The following XPR1 variants were observed in gnomAD, a reference collection of about 807,000 sequenced individuals.
XPR1 encodes the protein solute carrier family 53 member 1.
Under a neutral mutation model 87.5 loss-of-function variants are expected in XPR1, and 28 were observed. The observed-to-expected ratio is 0.32, with a 90% confidence interval of 0.24 to 0.44. The LOEUF (loss-of-function observed/expected upper bound fraction) is 0.44, where lower values mean the gene tolerates loss of function less well. Ranked by LOEUF, XPR1 falls within the 20% of genes least tolerant of loss-of-function variation. XPR1 has a pLI of 1.00. For synonymous variants in XPR1, 300 were observed against 306.1 expected (o/e 0.98, Z 0.21); for missense variants, 559 against 862.3 (o/e 0.65, Z 4.41).
At chr1:180,637,339 C>T (rs951306674) in intron 1 of XPR1, among the ~76,000 whole-genome samples, 1 of 151,984 alleles carries the variant, frequency 6.6e-6, no homozygotes, top group Non-Finnish European at 1.5e-5. Flanking sequence ...AAATCAACCG[C>T]TAGGAAATAG....
At chr1:180,758,710 A>G (rs1488487024) in intron 2 of XPR1, 1 of 152,486 alleles carries the variant, frequency 6.6e-6, no homozygotes. Flanking sequence ...TCCATCTCAA[A>G]GAAAAAAGGT....
rs1467305632 is a variant in XPR1 at position 180,751,234 on chromosome 1, CT to C, written c.122-36517del. On this transcript the variant is annotated intron_variant, in intron 2 of 14. Transcript: ENST00000367590. Reference sequence around the variant, plus strand: ...CAGTTTTCCTTTCCTATCAATATGCCTTATATTTTTTATACTTTTCAACCCA... The same window carrying C: ...CAGTTTTCCTTTCCTATCAATATGCCTATATTTTTTATACTTTTCAACCCA... Among the ~76,000 whole-genome samples, 7 of 151,860 alleles carry C rather than the reference CT, an allele frequency of 4.6e-5. No individual in the cohort carries two copies. In the South Asian group the frequency reaches 1.5e-3, roughly 32 times the overall value.
intron 1 of XPR1, among the ~76,000 whole-genome samples, chr1:180,660,088 C>G (rs549109772): frequency 4.7e-4 from 72 of 152,118 alleles, no homozygotes; most frequent in Non-Finnish European, 8.4e-4. Flanking sequence ...TCATGGTTCA[C>G]TCTTGTTTGG....
intron 2 of XPR1, among the ~76,000 whole-genome samples, chr1:180,778,863 C>T (rs895810376): frequency 6.6e-6 from 1 of 152,138 alleles, no homozygotes; most frequent in African/African-American, 2.4e-5. Flanking sequence ...GAAACTAATT[C>T]TCCTATTTAG....
chr1:180,819,557 T>C (rs1266098838), intron 7 of XPR1, among the ~76,000 whole-genome samples: 1 of 152,226 alleles, frequency 6.6e-6, no homozygotes, highest in Non-Finnish European at 1.5e-5. Flanking sequence ...GGCAATTTTC[T>C]TCCTATGTAG....
chr1:180,649,536 G>A (rs571574499), intron 1 of XPR1, among the ~76,000 whole-genome samples: 2 of 152,300 alleles, frequency 1.3e-5, no homozygotes, highest in African/African-American at 4.8e-5. Flanking sequence ...GCTCTGTGTT[G>A]TGGACAGTCT....
In XPR1 at chr1:180,873,763, T is replaced by C. The variant is rs369897976; in HGVS notation, c.1669-40T>C. 3.1e-6 allele frequency: 5 copies of C among 1,603,410 alleles called. No homozygotes were observed. In the Admixed American group the frequency reaches 6.7e-5, roughly 22 times the overall value. Reference sequence around the variant, plus strand: ...CATTGGTATGCCTATTTATGAGAAATGTGATAGAAAACATACTCAATTTCT... The same window carrying C: ...CATTGGTATGCCTATTTATGAGAAACGTGATAGAAAACATACTCAATTTCT... On this transcript the variant is annotated intron_variant, in intron 12 of 14. Coordinates refer to ENST00000367590, the MANE Select transcript of XPR1 (RefSeq NM_004736.4).
chr1:180,650,811 C>G, intron 1 of XPR1, among the ~76,000 whole-genome samples: 1 of 151,868 alleles, frequency 6.6e-6, no homozygotes, highest in East Asian at 1.9e-4. Flanking sequence ...CTCTCTGAGT[C>G]TTAGTTTTCT....
chr1:180,873,776 A>G (rs774829778), intron 12 of XPR1, 27 bp from the exon 13 acceptor site: 3 of 1,608,914 alleles, frequency 1.9e-6, no homozygotes, highest in Admixed American at 3.4e-5. Context: ...GATAGAAAAC[A>G]TACTCAATTT....
intron 2 of XPR1, among the ~76,000 whole-genome samples, chr1:180,722,204 G>T (rs1223968671): frequency 8.5e-5 from 13 of 152,074 alleles, no homozygotes; most frequent in Admixed American, 8.5e-4. Flanking sequence ...GGAGGTCAAG[G>T]CTGCAGTGAG....
At chr1:180,854,971 A>G (rs916146328) in intron 11 of XPR1, among the ~76,000 whole-genome samples, 1 of 152,200 alleles carries the variant, frequency 6.6e-6, no homozygotes. Context: ...AAGGTAAAGC[A>G]TTGTGCAGAA....
chr1:180,697,281 T>C (rs1435141352), intron 2 of XPR1, among the ~76,000 whole-genome samples: 1 of 152,116 alleles, frequency 6.6e-6, no homozygotes, highest in Non-Finnish European at 1.5e-5. Context: ...TAATAGTGTC[T>C]AATAAGTTTG....
intron 2 of XPR1, among the ~76,000 whole-genome samples, chr1:180,752,041 T>A (rs756942435): frequency 2.0e-5 from 3 of 152,200 alleles, no homozygotes; most frequent in Non-Finnish European, 4.4e-5. Flanking sequence ...TCTATGACAC[T>A]TAGTAGTGGA....
chr1:180,806,033 A>G, intron 4 of XPR1, 29 bp from the exon 5 acceptor site: 2 of 1,605,572 alleles, frequency 1.2e-6, no homozygotes, highest in Non-Finnish European at 1.7e-6. Flanking sequence ...AGTAGAAATT[A>G]TAGTTGTGTT....
intron 11 of XPR1, among the ~76,000 whole-genome samples, chr1:180,853,469 G>A (rs1651931366): frequency 6.6e-6 from 1 of 152,078 alleles, no homozygotes; most frequent in African/African-American, 2.4e-5. Context: ...TAGCTGCTGT[G>A]AGATCTTTGT....
intron 1 of XPR1, among the ~76,000 whole-genome samples, chr1:180,643,708 C>T (rs1655026691): frequency 6.6e-6 from 1 of 152,080 alleles, no homozygotes; most frequent in African/African-American, 2.4e-5. Context: ...CTAGGTCTGC[C>T]TTACTTCAGA....
At chr1:180,790,332 A>G (rs978610211) in intron 3 of XPR1, among the ~76,000 whole-genome samples, 17 of 151,890 alleles carry the variant, frequency 1.1e-4, no homozygotes, top group African/African-American at 4.1e-4. Flanking sequence ...TACCAATTCA[A>G]TCTCCTTAGC....
At chr1:180,838,539 A>G (rs2102173038) in intron 11 of XPR1, among the ~76,000 whole-genome samples, 1 of 152,344 alleles carries the variant, frequency 6.6e-6, no homozygotes. Flanking sequence ...AACAGTTTAG[A>G]TAGTATTGTG....
chr1:180,719,684 C>G (rs935990539), intron 2 of XPR1, among the ~76,000 whole-genome samples: 6 of 152,068 alleles, frequency 3.9e-5, no homozygotes, highest in African/African-American at 1.4e-4. Context: ...ATGATCAAAT[C>G]AGGATAGTTG....
Sources: allele counts gnomAD v4.1 joint callset (sites outside exome capture counted in the v4.1 genomes callset), GRCh38; gene constraint gnomAD v4.1.1; transcripts MANE v1.5; gene names NCBI Gene and HGNC (gene_info 2026-07-23, HGNC 2026-07-21).